PCDHA9: variants seen among roughly 807,000 people sequenced by gnomAD.
PCDHA9 encodes protocadherin alpha 9.
PCDHA9 carries 62 observed loss-of-function variants against 62.0 expected under a neutral mutation model. The observed-to-expected ratio is 1.00, with a 90% CI of 0.81 to 1.23. PCDHA9 has a LOEUF of 1.23. PCDHA9 is among the 50% of genes most tolerant of loss of function. The probability of loss-of-function intolerance (pLI) is 0.00; values close to 1 mark genes in which losing one functional copy is unlikely to be tolerated. For synonymous variants in PCDHA9, 557 were observed against 567.6 expected (o/e 0.98, Z 0.27); for missense variants, 1,205 against 1,249.8 (o/e 0.96, Z 0.54).
chr5:140,919,480 T>C (rs1745975489), intron 1 of PCDHA9, among the ~76,000 whole-genome samples: 1 of 152,198 alleles, frequency 6.6e-6, no homozygotes, highest in Admixed American at 6.5e-5. Context: ...TATTTGGATT[T>C]ATGTTTGTTA....
At chr5:140,980,555 G>A (rs1050580342) in intron 2 of PCDHA9, among the ~76,000 whole-genome samples, 1 of 152,068 alleles carries the variant, frequency 6.6e-6, no homozygotes, top group Non-Finnish European at 1.5e-5. Flanking sequence ...GCTTGAACCC[G>A]GGAGGCGGAA....
In PCDHA9 at chr5:140,857,981, C is replaced by T. The variant is rs377577023; in HGVS notation, c.2394+7092C>T. The T allele has an allele frequency of 2.5e-6, 4 of 1,596,862 alleles. 1 individual carries two copies. The highest frequency in any genetic ancestry group is 3.4e-6 in the Non-Finnish European group (4 of 1,167,208). The stretch of plus-strand genomic sequence containing the variant: ...GGATGAGACTGACTCGCCACGCCAG[C>T]GCCTACTGGTGCTGGTGAAGGACCA... On this transcript the variant is annotated intron_variant, in intron 1 of 3. Transcript: ENST00000532602.
Position 140,851,565 on chromosome 5 carries a change from G to A in PCDHA9, c.2394+676G>A, listed in dbSNP as rs558874725. 1.9e-4 allele frequency: 177 copies of A among 908,116 alleles called. 7 individuals carry two copies. The African/African-American group carries it at 3.0e-3, about 15-fold the overall frequency. The allele number at this position is 908,116 out of a possible 1,614,324, so 56.3% of individuals were successfully genotyped here. ...TTCAAGAAATGTTGACTGAAATTTT[G>A]TCTACACTTAGAACATTTTTTGAAA... On this transcript the variant is annotated intron_variant, in intron 1 of 3. Coordinates refer to ENST00000532602, the MANE Select transcript of PCDHA9 (RefSeq NM_031857.2).
chr5:141,003,044 T>C (rs1459180030), intron 3 of PCDHA9, among the ~76,000 whole-genome samples: 1 of 152,230 alleles, frequency 6.6e-6, no homozygotes, highest in African/African-American at 2.4e-5. Flanking sequence ...CCTCCTGGCC[T>C]TAACAGAACA....
At position 140,849,560 on chromosome 5, in the gene PCDHA9, C is replaced by T; in HGVS notation, c.1065C>T (p.Leu355=). The T allele has an allele frequency of 6.3e-7, 1 of 1,598,572 alleles. No individual in the cohort carries two copies. Among genetic ancestry groups the T allele is most frequent in the Non-Finnish European group, 8.6e-7 (1 of 1,167,926 alleles). The part of the protein sequence containing the change: ...DNAPQLTIKT[L]SVPVKEDAQL... ...CTCCACAGTTGACTATCAAAACGCT[C>T]TCGGTTCCTGTAAAAGAGGACGCAC... The change falls in exon 1 of 4, where the codon CTC becomes CTT. Residue 355 remains leucine, a synonymous_variant. Coordinates refer to ENST00000532602, the MANE Select transcript of PCDHA9 (RefSeq NM_031857.2).
chr5:140,914,815 GACTGCATAAACAAAAAACAAACACACAA>G (rs2076856567), intron 1 of PCDHA9, among the ~76,000 whole-genome samples: 1 of 151,986 alleles, frequency 6.6e-6, no homozygotes, highest in Non-Finnish European at 1.5e-5. Context: ...CAACTTAACA[GACTGCATAAACAAAAAACAAACACACAA>G]AAGGAAGACT....
chr5:140,982,963 A>G (rs2097017646), intron 3 of PCDHA9, among the ~76,000 whole-genome samples: 1 of 151,972 alleles, frequency 6.6e-6, no homozygotes, highest in South Asian at 2.1e-4. Context: ...AAACCCACCC[A>G]AAGTAGTAAG....
chr5:140,854,948 T>C (rs1417243571), intron 1 of PCDHA9, among the ~76,000 whole-genome samples: 4 of 150,034 alleles, frequency 2.7e-5, no homozygotes, highest in Middle Eastern at 3.5e-3. Flanking sequence ...AATAATAAAT[T>C]TCTTAATTAC....
chr5:140,861,480 T>G, intron 1 of PCDHA9: 1 of 490,608 alleles, frequency 2.0e-6, no homozygotes, highest in Non-Finnish European at 4.2e-6. Flanking sequence ...GAATGGCATT[T>G]TTGTGAGTTC....
chr5:140,859,571 G>C (rs2045916086), intron 1 of PCDHA9: 1 of 174,150 alleles, frequency 5.7e-6, no homozygotes, highest in Non-Finnish European at 1.2e-5. Context: ...CCATGAATTT[G>C]TCATCTTGCC....
chr5:140,875,133 A>G (rs1269514593), intron 1 of PCDHA9, among the ~76,000 whole-genome samples: 1 of 152,228 alleles, frequency 6.6e-6, no homozygotes, highest in Non-Finnish European at 1.5e-5. Context: ...CTAAACCCGC[A>G]TTTATAAATG....
chr5:140,903,448 G>T (rs188990837), intron 1 of PCDHA9, among the ~76,000 whole-genome samples: 2 of 152,278 alleles, frequency 1.3e-5, no homozygotes, highest in African/African-American at 2.4e-5. Context: ...GAATTCATCT[G>T]ATCAAACTTA....
At chr5:140,891,708 C>T (rs1422243783) in intron 1 of PCDHA9, among the ~76,000 whole-genome samples, 1 of 152,066 alleles carries the variant, frequency 6.6e-6, no homozygotes, top group Admixed American at 6.6e-5. Context: ...TGAATTTGTA[C>T]CCCCAAATTC....
intron 1 of PCDHA9, among the ~76,000 whole-genome samples, chr5:140,975,067 T>C (rs2096652705): frequency 6.6e-6 from 1 of 152,146 alleles, no homozygotes; most frequent in African/African-American, 2.4e-5. Flanking sequence ...TCGAGCTCAT[T>C]CAGATTGTTG....
intron 3 of PCDHA9, among the ~76,000 whole-genome samples, chr5:140,986,213 C>G (rs1554247816): frequency 6.6e-6 from 1 of 152,208 alleles, no homozygotes. Context: ...TTACTGGCCC[C>G]TTTCTCTAGC....
At chr5:140,916,967 G>T (rs1215722713) in intron 1 of PCDHA9, among the ~76,000 whole-genome samples, 1 of 152,194 alleles carries the variant, frequency 6.6e-6, no homozygotes, top group African/African-American at 2.4e-5. Flanking sequence ...TGACTGCTGG[G>T]ATGAGTGATT....
At position 140,946,014 on chromosome 5, in the gene PCDHA9, C is replaced by T. The variant is rs116323983; in HGVS notation, c.2395-32935C>T. On this transcript the variant is annotated intron_variant, in intron 1 of 3. Coordinates refer to ENST00000532602, the MANE Select transcript of PCDHA9 (RefSeq NM_031857.2). ...ATTGCATCAAACTAAAAAGCTCCTG[C>T]GCAGCAAAGAAAACAAGAGTGAAGG... Among the ~76,000 whole-genome samples, 849 of 151,986 alleles carry T rather than the reference C, an allele frequency of 5.6e-3. 7 individuals carry two copies. The highest frequency in any genetic ancestry group is 0.02 in the African/African-American group (814 of 41,504).
At position 140,849,023 on chromosome 5, in the gene PCDHA9, G is replaced by C. The variant is rs2150428994; in HGVS notation, c.528G>C (p.Glu176Asp). The C allele has an allele frequency of 6.3e-7, 1 of 1,586,580 alleles. No homozygotes were observed. Among genetic ancestry groups the C allele is most frequent in the East Asian group, 2.2e-5 (1 of 44,622 alleles). ...ALLTYRLSPN[E>D]YFFLDVPTSN... ...TCACTTACAGACTGAGCCCCAATGA[G>C]TATTTCTTCCTGGACGTGCCAACCA... Residue 176 changes from glutamate to aspartate, a missense_variant, in exon 1 of 4, where the codon GAG becomes GAC. Glu to Asp is a conservative substitution (Grantham distance 45). This residue lies in a region of PCDHA9 where 110 missense variants were observed against 227.2 expected (regional missense o/e 0.48). Coordinates refer to ENST00000532602, the MANE Select transcript of PCDHA9 (RefSeq NM_031857.2).
chr5:140,929,077 A>C, intron 1 of PCDHA9: 1 of 1,614,168 alleles, frequency 6.2e-7, no homozygotes, highest in Non-Finnish European at 8.5e-7. Flanking sequence ...GAGGTATGGA[A>C]GTAAGATGGT....
Sources: allele counts gnomAD v4.1 joint callset (sites outside exome capture counted in the v4.1 genomes callset), GRCh38; gene constraint gnomAD v4.1.1; regional missense constraint gnomAD v4.1.1; transcripts MANE v1.5; gene names NCBI Gene and HGNC (gene_info 2026-07-23, HGNC 2026-07-21).